The following ZNF652 variants were observed in gnomAD, a reference collection of about 807,000 sequenced individuals.
ZNF652 encodes zinc finger protein 652.
A neutral mutation model predicts 45.2 loss-of-function variants in ZNF652; 16 were observed. That is an observed-to-expected ratio of 0.35 (90% CI 0.24 to 0.54). The LOEUF (loss-of-function observed/expected upper bound fraction) is 0.54. Ranked by LOEUF, ZNF652 falls within the 20% of genes least tolerant of loss-of-function variation. The pLI, the probability that ZNF652 is intolerant of heterozygous loss-of-function variation, is 0.91. For synonymous variants in ZNF652, 250 were observed against 260.6 expected (o/e 0.96, Z 0.39); for missense variants, 614 against 765.6 (o/e 0.80, Z 2.34).
chr17:49,308,242 T>C (rs1454317576), intron 5 of ZNF652, among the ~76,000 whole-genome samples: 1 of 152,034 alleles, frequency 6.6e-6, no homozygotes, highest in Non-Finnish European at 1.5e-5. Flanking sequence ...AGTGACACAA[T>C]CACAGCTCAC....
Position 49,330,893 on chromosome 17 carries a change from C to G in ZNF652, c.-258-12910G>C, listed in dbSNP as rs918169338. The stretch of plus-strand genomic sequence containing the variant: ...TGGAGAAACCCTGTCTCTACTAAAA[C>G]AAACAAACAAACAAACAAAAACCAA... On this transcript the variant is annotated intron_variant, in intron 1 of 5. Transcript: ENST00000430262. 4.5e-4 allele frequency among the ~76,000 whole-genome samples: 40 copies of G among 88,894 alleles called. No homozygotes were observed. The South Asian group carries it at 0.017, about 37-fold the overall frequency. 58.3% of individuals were successfully genotyped at this position (88,894 alleles called of 152,430 possible). A position where few individuals can be genotyped will look rare whatever the true frequency, so the allele number is the denominator to read the frequency against.
intron 2 of ZNF652, among the ~76,000 whole-genome samples, chr17:49,316,046 C>T (rs2069799493): frequency 6.6e-6 from 1 of 152,182 alleles, no homozygotes. Context: ...AATAGACTTA[C>T]CTCTTACGAA....
At chr17:49,311,721 C>T (rs1431846026) in intron 4 of ZNF652, among the ~76,000 whole-genome samples, 1 of 152,156 alleles carries the variant, frequency 6.6e-6, no homozygotes, top group Non-Finnish European at 1.5e-5. Context: ...TCCAAGTTAA[C>T]CTAATCTAAG....
intron 1 of ZNF652, among the ~76,000 whole-genome samples, chr17:49,333,545 TAA>T (rs1182199037): frequency 1.5e-4 from 7 of 48,112 alleles, no homozygotes; most frequent in African/African-American, 6.8e-4. Flanking sequence ...CTGTCTCTAC[TAA>T]AAAAAAAAAA....
rs1313220946 is a variant in ZNF652 at position 49,297,639 on chromosome 17, C to T, written c.*774G>A. The T allele has an allele frequency of 6.6e-6, 1 of 152,576 alleles. No individual in the cohort carries two copies. The highest frequency in any genetic ancestry group is 1.5e-5 in the Non-Finnish European group (1 of 68,034). 9.5% of individuals were successfully genotyped at this position (152,576 alleles called of 1,614,324 possible). A position where few individuals can be genotyped will look rare whatever the true frequency, so the allele number is the denominator to read the frequency against. ...TCTCAGATACATCTAGTCTCTGAAG[C>T]ACCTTTTGAGTTGTACGGATGTAAG... On this transcript the variant is annotated 3_prime_UTR_variant, in exon 6 of 6. Transcript: ENST00000430262.
intron 1 of ZNF652, among the ~76,000 whole-genome samples, chr17:49,354,887 G>A (rs536763290): frequency 6.6e-6 from 1 of 151,874 alleles, no homozygotes; most frequent in Non-Finnish European, 1.5e-5. Context: ...CACCACACCC[G>A]GCTAATTTTT....
chr17:49,309,077 A>C (rs2069671873), intron 5 of ZNF652, among the ~76,000 whole-genome samples: 1 of 152,178 alleles, frequency 6.6e-6, no homozygotes, highest in South Asian at 2.1e-4. Context: ...CAGAGAAGAT[A>C]AGGGGGATGC....
chr17:49,301,812 A>G (rs2069556259), intron 5 of ZNF652, among the ~76,000 whole-genome samples: 1 of 152,180 alleles, frequency 6.6e-6, no homozygotes, highest in Non-Finnish European at 1.5e-5. Context: ...GGATCACTTC[A>G]GGCCAGGAGT....
chr17:49,318,708 A>G (rs1253197063), intron 1 of ZNF652, among the ~76,000 whole-genome samples: 2 of 152,198 alleles, frequency 1.3e-5, no homozygotes, highest in Admixed American at 6.5e-5. Flanking sequence ...GAAACACGCA[A>G]GAGCTTTATA....
intron 1 of ZNF652, among the ~76,000 whole-genome samples, chr17:49,335,433 C>T (rs962636030): frequency 2.0e-5 from 3 of 152,052 alleles, no homozygotes; most frequent in Non-Finnish European, 4.4e-5. Flanking sequence ...CAAGTTTGTG[C>T]TGATTATTTG....
intron 1 of ZNF652, among the ~76,000 whole-genome samples, chr17:49,328,505 G>C (rs2069990754): frequency 6.6e-6 from 1 of 152,102 alleles, no homozygotes; most frequent in Admixed American, 6.6e-5. Context: ...TGGGTCATGG[G>C]GGCAGATCCC....
At chr17:49,305,675 C>A (rs1342358617) in intron 5 of ZNF652, among the ~76,000 whole-genome samples, 1 of 152,102 alleles carries the variant, frequency 6.6e-6, no homozygotes, top group African/African-American at 2.4e-5. Flanking sequence ...TTACCATTCA[C>A]CAGACTATAA....
chr17:49,345,327 C>G (rs1366010489), intron 1 of ZNF652, among the ~76,000 whole-genome samples: 2 of 151,312 alleles, frequency 1.3e-5, no homozygotes, highest in African/African-American at 4.8e-5. Flanking sequence ...CTCAGCCTCC[C>G]AAGTAGCTGG....
intron 1 of ZNF652, among the ~76,000 whole-genome samples, chr17:49,329,852 T>C (rs1167497021): frequency 6.6e-6 from 1 of 152,262 alleles, no homozygotes; most frequent in Non-Finnish European, 1.5e-5. Flanking sequence ...CAACAGTTTC[T>C]ACATTTCCAT....
rs1268108738 is a variant in ZNF652, at chr17:49,329,546, A to G, written c.-258-11563T>C. On this transcript the variant is annotated intron_variant, in intron 1 of 5. Coordinates refer to ENST00000430262, the MANE Select transcript of ZNF652 (RefSeq NM_001145365.3). Reference sequence around the variant, plus strand: ...TTACAAGCTGTTCTCAGATGCATACATTTTATATGGTCAAGAAACAGAACT... The same window carrying G: ...TTACAAGCTGTTCTCAGATGCATACGTTTTATATGGTCAAGAAACAGAACT... Among the ~76,000 whole-genome samples the G allele has an allele frequency of 3.9e-5, 6 of 152,218 alleles. No homozygotes were observed. The East Asian group carries it at 5.8e-4, about 15-fold the overall frequency.
chr17:49,351,014 TACACACACACAC>T (rs370792940), intron 1 of ZNF652, among the ~76,000 whole-genome samples: 1,226 of 29,366 alleles, frequency 0.042, 36 homozygotes, highest in Middle Eastern at 0.089. Context: ...TATATATATA[TACACACACACAC>T]ACACACACAC....
intron 5 of ZNF652, among the ~76,000 whole-genome samples, chr17:49,306,506 G>A (rs916630831): frequency 5.9e-5 from 9 of 151,994 alleles, no homozygotes; most frequent in Non-Finnish European, 1.5e-5. Context: ...TATTGCCTAG[G>A]TTGGTCTTGA....
At chr17:49,336,301 G>A (rs1287032885) in intron 1 of ZNF652, among the ~76,000 whole-genome samples, 3 of 149,256 alleles carry the variant, frequency 2.0e-5, no homozygotes, top group African/African-American at 7.4e-5. Context: ...GGGATTACAG[G>A]CATGAGCTGC....
chr17:49,339,820 C>A (rs1171845457), intron 1 of ZNF652, among the ~76,000 whole-genome samples: 2 of 152,242 alleles, frequency 1.3e-5, no homozygotes, highest in South Asian at 4.1e-4. Flanking sequence ...TCGCGAAGGC[C>A]GATGTAAAAG....
Sources: allele counts gnomAD v4.1 joint callset (sites outside exome capture counted in the v4.1 genomes callset), GRCh38; gene constraint gnomAD v4.1.1; transcripts MANE v1.5; gene names NCBI Gene and HGNC (gene_info 2026-07-23, HGNC 2026-07-21).